TAFA4: variants seen among roughly 807,000 people sequenced by gnomAD.
TAFA4 encodes the protein TAFA chemokine like family member 4.
TAFA4 carries 20 observed loss-of-function variants against 21.1 expected under a neutral mutation model. The observed-to-expected ratio is 0.95, with a 90% CI of 0.67 to 1.38. The LOEUF is 1.38. Ranked by LOEUF, TAFA4 falls within the 40% of genes most tolerant of loss-of-function variation. The probability of loss-of-function intolerance (pLI) is 0.00; values close to 1 mark genes in which losing one functional copy is unlikely to be tolerated. For synonymous variants in TAFA4, 71 were observed against 67.4 expected, an observed-to-expected ratio of 1.05 and a Z score of -0.26; for missense variants, 211 against 180.9, an observed-to-expected ratio of 1.17 and a Z score of -0.95.
chr3:68,902,312 T>C (rs2089852571), intron 1 of TAFA4, among the ~76,000 whole-genome samples: 1 of 152,120 alleles, frequency 6.6e-6, no homozygotes, highest in Non-Finnish European at 1.5e-5. Context: ...ATCAATGCAT[T>C]CACTCTTCCC....
intron 3 of TAFA4, among the ~76,000 whole-genome samples, chr3:68,762,710 A>G (rs553942369): frequency 6.2e-4 from 95 of 152,346 alleles, no homozygotes; most frequent in African/African-American, 2.2e-3. Flanking sequence ...TGATGCAAAT[A>G]TTACAAAAGA....
chr3:68,780,176 C>T (rs2106795085), intron 3 of TAFA4, among the ~76,000 whole-genome samples: 1 of 152,274 alleles, frequency 6.6e-6, no homozygotes, highest in South Asian at 2.1e-4. Context: ...TGCATGTACC[C>T]CCATTGTATA....
rs150086586 is a variant in TAFA4 at position 68,746,675 on chromosome 3, A to T, written c.286+6188T>A. On this transcript the variant is annotated intron_variant, in intron 4 of 5. Transcript: ENST00000295569. ...AGCACTAACCATTTTTTTTACAAGGAATCTTACTTGTTCACACATTCTGCA... is the reference window on the plus strand; with the variant it reads ...AGCACTAACCATTTTTTTTACAAGGTATCTTACTTGTTCACACATTCTGCA... Among the ~76,000 whole-genome samples, 357 of 152,316 alleles carry T rather than the reference A, an allele frequency of 2.3e-3. 3 individuals carry two copies. The highest frequency in any genetic ancestry group is 8.0e-3 in the African/African-American group (333 of 41,574).
chr3:68,848,027 A>G (rs1252223864), intron 3 of TAFA4, among the ~76,000 whole-genome samples: 1 of 152,242 alleles, frequency 6.6e-6, no homozygotes, highest in African/African-American at 2.4e-5. Flanking sequence ...AGCATTTACT[A>G]TATCCACTTT....
At chr3:68,794,650 G>A (rs1464712303) in intron 3 of TAFA4, among the ~76,000 whole-genome samples, 2 of 152,126 alleles carry the variant, frequency 1.3e-5, no homozygotes, top group African/African-American at 4.8e-5. Flanking sequence ...CCTACCTGCA[G>A]ATGTCACAGT....
chr3:68,735,720 A>T (rs1034212347), intron 5 of TAFA4, among the ~76,000 whole-genome samples: 1 of 152,156 alleles, frequency 6.6e-6, no homozygotes. Context: ...AAATATTGGA[A>T]ATATTTAGAC....
intron 1 of TAFA4, among the ~76,000 whole-genome samples, chr3:68,904,822 T>C (rs1300180140): frequency 6.6e-6 from 1 of 152,314 alleles, no homozygotes; most frequent in East Asian, 1.9e-4. Flanking sequence ...AGTTAACTCA[T>C]GGGCTACTTT....
intron 5 of TAFA4, among the ~76,000 whole-genome samples, chr3:68,738,319 G>A (rs551804510): frequency 1.3e-5 from 2 of 152,288 alleles, no homozygotes; most frequent in African/African-American, 2.4e-5. Flanking sequence ...CCAGGCAGAG[G>A]CTAGTGGACC....
chr3:68,773,746 G>A (rs1426655919), intron 3 of TAFA4, among the ~76,000 whole-genome samples: 1 of 152,092 alleles, frequency 6.6e-6, no homozygotes, highest in African/African-American at 2.4e-5. Flanking sequence ...TTAAAATGGT[G>A]GAATGGTGAC....
intron 3 of TAFA4, among the ~76,000 whole-genome samples, chr3:68,862,226 GCAATTCTT>G (rs2089354502): frequency 6.6e-6 from 1 of 151,904 alleles, no homozygotes; most frequent in South Asian, 2.1e-4. Flanking sequence ...AACGCTCACA[GCAATTCTT>G]CATTTTTTTA....
intron 3 of TAFA4, among the ~76,000 whole-genome samples, chr3:68,837,160 A>G (rs1187381404): frequency 6.6e-6 from 1 of 152,220 alleles, no homozygotes; most frequent in Non-Finnish European, 1.5e-5. Context: ...TAACAATTTT[A>G]CTATGTGACC....
intron 3 of TAFA4, among the ~76,000 whole-genome samples, chr3:68,803,989 T>A (rs915278435): frequency 6.6e-6 from 1 of 151,862 alleles, no homozygotes; most frequent in Non-Finnish European, 1.5e-5. Context: ...GGTTTCTCCA[T>A]GTTGGCTAGG....
chr3:68,800,836 G>A (rs945991982), intron 3 of TAFA4, among the ~76,000 whole-genome samples: 10 of 152,160 alleles, frequency 6.6e-5, no homozygotes, highest in Admixed American at 5.2e-4. Flanking sequence ...GAACTGAGCT[G>A]GAATCTTTAT....
chr3:68,867,536 C>G (rs1220647726), intron 3 of TAFA4, among the ~76,000 whole-genome samples: 1 of 151,996 alleles, frequency 6.6e-6, no homozygotes, highest in Non-Finnish European at 1.5e-5. Flanking sequence ...TTCAAAATAT[C>G]CTAATACTGT....
chr3:68,748,863 TA>T (rs1702510246), intron 4 of TAFA4, among the ~76,000 whole-genome samples: 1 of 152,242 alleles, frequency 6.6e-6, no homozygotes. Context: ...ACCCAATATT[TA>T]GAAACCATTT....
At chr3:68,804,841 A>G (rs960459889) in intron 3 of TAFA4, among the ~76,000 whole-genome samples, 10 of 152,248 alleles carry the variant, frequency 6.6e-5, no homozygotes, top group Non-Finnish European at 4.4e-5. Flanking sequence ...ACCTAAAACC[A>G]TAAAAACCCT....
At chr3:68,793,520 C>A (rs1351897830) in intron 3 of TAFA4, among the ~76,000 whole-genome samples, 1 of 152,074 alleles carries the variant, frequency 6.6e-6, no homozygotes, top group Non-Finnish European at 1.5e-5. Context: ...AGCTAAATTG[C>A]AAAAATGGCA....
chr3:68,843,940 C>T (rs529216326), intron 3 of TAFA4, among the ~76,000 whole-genome samples: 54 of 152,254 alleles, frequency 3.5e-4, no homozygotes, highest in African/African-American at 1.2e-3. Flanking sequence ...TGAGGATTTT[C>T]GCATCGGTGT....
Position 68,756,306 on chromosome 3 carries a change from G to T in TAFA4, c.131-3288C>A, listed in dbSNP as rs532437356. On this transcript the variant is annotated intron_variant, in intron 3 of 5. Transcript: ENST00000295569. Reference sequence around the variant, plus strand: ...TTCTGTTCAGAAATTATTAAGGAAAGACAACTTTTTCAAGTACCCTCAAGT... The same window carrying T: ...TTCTGTTCAGAAATTATTAAGGAAATACAACTTTTTCAAGTACCCTCAAGT... 9.9e-5 allele frequency among the ~76,000 whole-genome samples: 15 copies of T among 152,258 alleles called. No individual in the cohort carries two copies. In the East Asian group the frequency reaches 2.7e-3, roughly 27 times the overall value.
Sources: gnomAD v4.1 joint callset for allele counts (sites outside exome capture counted in the v4.1 genomes callset) on GRCh38, gnomAD v4.1.1 for gene constraint, MANE v1.5 for transcripts, NCBI Gene and HGNC (gene_info 2026-07-23, HGNC 2026-07-21) for gene names.